The following MARCHF1 variants were observed in gnomAD, a reference collection of about 807,000 sequenced individuals.
The protein encoded by MARCHF1 is membrane associated ring-CH-type finger 1.
A neutral mutation model predicts 54.2 loss-of-function variants in MARCHF1; 40 were observed. The ratio of observed to expected loss-of-function variants is 0.74; its 90% CI spans 0.57 to 0.96. The LOEUF is 0.96. MARCHF1 is among the 40% of genes least tolerant of loss of function. The probability of loss-of-function intolerance (pLI) is 0.00; values close to 1 mark genes in which losing one functional copy is unlikely to be tolerated. For synonymous variants in MARCHF1, 236 were observed against 236.3 expected, an observed-to-expected ratio of 1.00 and a Z score of 0.01; for missense variants, 586 against 656.5, an observed-to-expected ratio of 0.89 and a Z score of 1.17.
chr4:163,952,132 T>C (rs1752145876), intron 3 of MARCHF1, among the ~76,000 whole-genome samples: 1 of 152,176 alleles, frequency 6.6e-6, no homozygotes, highest in South Asian at 2.1e-4. Context: ...ATGAGAAACA[T>C]ATATTTGAGT....
At chr4:163,662,088 G>T (rs936475104) in intron 5 of MARCHF1, among the ~76,000 whole-genome samples, 1 of 151,790 alleles carries the variant, frequency 6.6e-6, no homozygotes, top group Admixed American at 6.6e-5. Context: ...TCCTTTTTTG[G>T]TATGTGTAAG....
At chr4:164,058,827 A>T (rs1251830356) in intron 2 of MARCHF1, among the ~76,000 whole-genome samples, 2 of 152,244 alleles carry the variant, frequency 1.3e-5, no homozygotes, top group Non-Finnish European at 2.9e-5. Flanking sequence ...TCTCTGATGC[A>T]AATCTTCACA....
intron 1 of MARCHF1, among the ~76,000 whole-genome samples, chr4:164,358,682 G>A (rs1730633904): frequency 6.6e-6 from 1 of 152,092 alleles, no homozygotes; most frequent in Non-Finnish European, 1.5e-5. Context: ...GGAAGTCAGT[G>A]AATAAAATCA....
At chr4:164,242,072 G>A (rs971603079) in intron 1 of MARCHF1, among the ~76,000 whole-genome samples, 1 of 152,188 alleles carries the variant, frequency 6.6e-6, no homozygotes, top group African/African-American at 2.4e-5. Context: ...CCATTGCCCA[G>A]CCTTGATTAG....
chr4:163,951,204 T>C (rs1752128018), intron 3 of MARCHF1, among the ~76,000 whole-genome samples: 1 of 152,204 alleles, frequency 6.6e-6, no homozygotes, highest in African/African-American at 2.4e-5. Context: ...CCAGATATAT[T>C]TGCACTTATC....
chr4:164,188,275 G>T, intron 1 of MARCHF1: 1 of 300,228 alleles, frequency 3.3e-6, no homozygotes. Flanking sequence ...CGACCGACTG[G>T]GGTGTTTCGC....
chr4:164,221,101 T>A (rs1183664436), intron 1 of MARCHF1, among the ~76,000 whole-genome samples: 1 of 152,052 alleles, frequency 6.6e-6, no homozygotes, highest in Non-Finnish European at 1.5e-5. Context: ...ATGGGCATTG[T>A]CACATTTTGT....
intron 1 of MARCHF1, among the ~76,000 whole-genome samples, chr4:164,364,740 T>C (rs922710496): frequency 1.3e-5 from 2 of 151,924 alleles, no homozygotes; most frequent in African/African-American, 2.4e-5. Flanking sequence ...TCTTAATCCT[T>C]TTATTCACCA....
chr4:163,599,986 A>G (rs1369545916), intron 7 of MARCHF1, among the ~76,000 whole-genome samples: 2 of 152,186 alleles, frequency 1.3e-5, no homozygotes, highest in Non-Finnish European at 2.9e-5. Context: ...TTTGAGGACC[A>G]ATGTCCTATA....
At chr4:164,075,860 C>G (rs1345002832) in intron 2 of MARCHF1, among the ~76,000 whole-genome samples, 3 of 152,124 alleles carry the variant, frequency 2.0e-5, no homozygotes, top group Admixed American at 6.5e-5. Flanking sequence ...ACCTATCTCC[C>G]TCTAGACACA....
At chr4:163,803,184 T>C (rs941388688) in intron 4 of MARCHF1, among the ~76,000 whole-genome samples, 8 of 151,552 alleles carry the variant, frequency 5.3e-5, no homozygotes, top group African/African-American at 2.0e-4. Flanking sequence ...TTATTAATTG[T>C]TTTTTTGAGA....
At chr4:163,583,728 G>C (rs1740314148) in intron 8 of MARCHF1, 1 of 145,990 alleles carries the variant, frequency 6.8e-6, no homozygotes, top group Non-Finnish European at 1.5e-5. Flanking sequence ...AAGCTCACTG[G>C]AACCTTGAAA....
Position 163,528,374 on chromosome 4 carries a change from A to G in MARCHF1, c.*374T>C, listed in dbSNP as rs1381182245. 5.2e-6 allele frequency: 1 copy of G among 191,448 alleles called. No individual in the cohort carries two copies. Among genetic ancestry groups the G allele is most frequent in the African/African-American group, 2.4e-5 (1 of 42,520 alleles). 11.9% of individuals were successfully genotyped at this position (191,448 alleles called of 1,614,324 possible). On this transcript the variant is annotated 3_prime_UTR_variant, in exon 10 of 10. Transcript: ENST00000514618. The stretch of plus-strand genomic sequence containing the variant: ...CATTACAAGGCCCTAGAAGTAATAC[A>G]CATCGCAATTCAAGTCTGTATTCTT...
intron 5 of MARCHF1, among the ~76,000 whole-genome samples, chr4:163,697,958 C>A (rs1328391424): frequency 6.6e-6 from 1 of 152,088 alleles, no homozygotes; most frequent in Admixed American, 6.5e-5. Context: ...ATTTATTGAG[C>A]ACTTGCTCGA....
chr4:163,927,915 C>G (rs960950987), intron 3 of MARCHF1, among the ~76,000 whole-genome samples: 1 of 151,818 alleles, frequency 6.6e-6, no homozygotes, highest in Non-Finnish European at 1.5e-5. Context: ...AATTTTTTCT[C>G]TCTTCCAAAT....
In MARCHF1 at chr4:163,698,919, C is replaced by A. The variant is rs144353339; in HGVS notation, c.162+1894G>T. Among the ~76,000 whole-genome samples, 689 of 152,248 alleles carry A rather than the reference C, an allele frequency of 4.5e-3. 5 individuals carry two copies. The highest frequency in any genetic ancestry group is 0.016 in the African/African-American group (665 of 41,552). The stretch of plus-strand genomic sequence containing the variant: ...CATTGTGAAACTAGGGTGATAGATA[C>A]TTGAAAGGCATTGTTTTAATTTATA... On this transcript the variant is annotated intron_variant, in intron 5 of 9. Coordinates refer to ENST00000514618, the MANE Select transcript of MARCHF1 (RefSeq NM_001394959.1).
At chr4:164,185,668 A>G (rs1485048307) in intron 1 of MARCHF1, among the ~76,000 whole-genome samples, 4 of 152,164 alleles carry the variant, frequency 2.6e-5, no homozygotes, top group Non-Finnish European at 5.9e-5. Flanking sequence ...GTTTGAAAGT[A>G]GACTTTTTTT....
Position 164,025,247 on chromosome 4 carries a change from C to T in MARCHF1, c.-247-36538G>A, listed in dbSNP as rs115798289. On this transcript the variant is annotated intron_variant, in intron 2 of 9. Transcript: ENST00000514618. ...GTGACAATCAATTGAAACTAATAGA[C>T]ATCTACAGAACACTCCACCCAAAGA... Among the ~76,000 whole-genome samples, 700 of 152,208 alleles carry T rather than the reference C, an allele frequency of 4.6e-3. 5 individuals carry two copies. Among genetic ancestry groups the T allele is most frequent in the African/African-American group, 0.016 (665 of 41,560 alleles).
intron 9 of MARCHF1, among the ~76,000 whole-genome samples, chr4:163,536,859 C>T (rs1297513034): frequency 2.6e-5 from 4 of 152,120 alleles, no homozygotes; most frequent in African/African-American, 9.7e-5. Context: ...CCCCTGCCCA[C>T]ACCATCCTTC....
Sources: gnomAD v4.1 joint callset for allele counts (sites outside exome capture counted in the v4.1 genomes callset) on GRCh38, gnomAD v4.1.1 for gene constraint, MANE v1.5 for transcripts, NCBI Gene and HGNC (gene_info 2026-07-23, HGNC 2026-07-21) for gene names.